OR51B5: variants seen among roughly 807,000 people sequenced by gnomAD.
OR51B5 encodes olfactory receptor 51B5.
For synonymous variants in OR51B5, 186 were observed against 144.8 expected, an observed-to-expected ratio of 1.28 and a Z score of -2.04; for missense variants, 456 against 374.6, an observed-to-expected ratio of 1.22 and a Z score of -1.79.
chr11:5,494,388 T>A (rs772476186), intron 1 of OR51B5, among the ~76,000 whole-genome samples: 2 of 152,136 alleles, frequency 1.3e-5, no homozygotes, highest in Non-Finnish European at 2.9e-5. Flanking sequence ...TGACGGCCTT[T>A]CCCAGTCCAC....
intron 1 of OR51B5, among the ~76,000 whole-genome samples, chr11:5,419,702 C>T (rs966150263): frequency 6.6e-5 from 10 of 152,018 alleles, no homozygotes; most frequent in African/African-American, 2.2e-4. Context: ...CATCGAGAAA[C>T]GATGATACTT....
intron 1 of OR51B5, among the ~76,000 whole-genome samples, chr11:5,373,185 G>A (rs1178411072): frequency 6.6e-6 from 1 of 152,026 alleles, no homozygotes; most frequent in African/African-American, 2.4e-5. Context: ...AGACATAAAT[G>A]TAAGACCTGA....
intron 1 of OR51B5, among the ~76,000 whole-genome samples, chr11:5,501,760 TTAA>T (rs1185893305): frequency 6.7e-6 from 1 of 148,606 alleles, no homozygotes; most frequent in East Asian, 1.9e-4. Context: ...TCTTTGCTTA[TTAA>T]TTTCTCCCTG....
chr11:5,360,135 T>G (rs1044066900), intron 1 of OR51B5, among the ~76,000 whole-genome samples: 3 of 151,518 alleles, frequency 2.0e-5, no homozygotes, highest in Non-Finnish European at 4.4e-5. Context: ...AAAGCCAAAA[T>G]GGACAAATGG....
At chr11:5,452,973 G>A (rs1453286207) in intron 1 of OR51B5, among the ~76,000 whole-genome samples, 1 of 152,088 alleles carries the variant, frequency 6.6e-6, no homozygotes, top group African/African-American at 2.4e-5. Flanking sequence ...CTCCATCCAA[G>A]CACACAACAT....
chr11:5,465,649 C>T (rs575878781), intron 1 of OR51B5, among the ~76,000 whole-genome samples: 31 of 140,580 alleles, frequency 2.2e-4, no homozygotes, highest in Non-Finnish European at 2.9e-4. Context: ...TCAGAAATAA[C>T]GACGCATATC....
chr11:5,362,261 G>T (rs1311698958), intron 1 of OR51B5, among the ~76,000 whole-genome samples: 1 of 152,204 alleles, frequency 6.6e-6, no homozygotes, highest in Non-Finnish European at 1.5e-5. Flanking sequence ...ATAAGGAAAA[G>T]TGTTTACTAT....
intron 1 of OR51B5, among the ~76,000 whole-genome samples, chr11:5,478,966 A>G (rs1046198359): frequency 1.1e-4 from 16 of 151,962 alleles, no homozygotes; most frequent in African/African-American, 2.7e-4. Flanking sequence ...AACTTCCCCA[A>G]TCTAGCAAGG....
chr11:5,457,561 C>G (rs1281520805), intron 1 of OR51B5, among the ~76,000 whole-genome samples: 1 of 152,182 alleles, frequency 6.6e-6, no homozygotes, highest in Non-Finnish European at 1.5e-5. Flanking sequence ...TCCACAGTGG[C>G]TGAACTAATT....
rs542641960 is a variant in OR51B5 at position 5,412,659 on chromosome 11, G to A, written n.85-65749C>T. Among the ~76,000 whole-genome samples the A allele has an allele frequency of 8.3e-4, 127 of 152,306 alleles. 1 individual carries two copies. Among genetic ancestry groups the A allele is most frequent in the African/African-American group, 2.8e-3 (118 of 41,578 alleles). On this transcript the variant is annotated intron_variant and non_coding_transcript_variant, in intron 1 of 4. Transcript: ENST00000415970. ...ATTATATCCTGCACATGGCTCAGAG[G>A]GTCCTACGCCGACGGAGTCTCGCTG...
upstream of OR51B5, among the ~76,000 whole-genome samples, chr11:5,343,987 A>AGACTTACCTGAATTATCAGCTAAAGTCTC: frequency 6.6e-6 from 1 of 152,330 alleles, no homozygotes; most frequent in Admixed American, 6.5e-5. Flanking sequence ...CTGCATGTAA[A>AGACTTACCTGAATTATCAGCTAAAGTCTC]GACTTACCTG....
At chr11:5,375,646 G>A (rs1849514867) in intron 1 of OR51B5, among the ~76,000 whole-genome samples, 1 of 152,072 alleles carries the variant, frequency 6.6e-6, no homozygotes. Flanking sequence ...ACAAAAAAAG[G>A]CAGGGGTTGC....
chr11:5,428,960 G>A (rs1473465433), intron 1 of OR51B5, among the ~76,000 whole-genome samples: 2 of 152,158 alleles, frequency 1.3e-5, no homozygotes, highest in Non-Finnish European at 2.9e-5. Context: ...GAGGTCACAA[G>A]ATTTGTGACT....
At chr11:5,484,331 C>T (rs1851469883) in intron 1 of OR51B5, among the ~76,000 whole-genome samples, 1 of 152,148 alleles carries the variant, frequency 6.6e-6, no homozygotes, top group Non-Finnish European at 1.5e-5. Flanking sequence ...ATAAATGGGA[C>T]CTGCTCCTGC....
intron 1 of OR51B5, chr11:5,449,486 G>A (rs956471): frequency 0.42 from 64,173 of 152,286 alleles, 15,451 homozygotes; most frequent in Non-Finnish European, 0.55. Context: ...GAGGGTATCT[G>A]ATAGAAGCAT....
chr11:5,456,114 C>T (rs2471987), intron 1 of OR51B5: 44,468 of 151,880 alleles, frequency 0.29, 6,657 homozygotes, highest in East Asian at 0.43. Context: ...TTAGGGAAGC[C>T]GCCAAATGAA....
intron 1 of OR51B5, among the ~76,000 whole-genome samples, chr11:5,376,280 A>G (rs1009480227): frequency 1.4e-4 from 21 of 152,304 alleles, no homozygotes; most frequent in African/African-American, 4.8e-4. Context: ...CAAAGACACA[A>G]CATACCAGAA....
intron 1 of OR51B5, among the ~76,000 whole-genome samples, chr11:5,456,695 A>G (rs983569297): frequency 2.6e-5 from 4 of 152,142 alleles, no homozygotes; most frequent in Non-Finnish European, 5.9e-5. Context: ...TTGGTGGACA[A>G]ATTATTTCAT....
chr11:5,434,601 C>T (rs995476746), intron 1 of OR51B5, among the ~76,000 whole-genome samples: 5 of 152,132 alleles, frequency 3.3e-5, no homozygotes, highest in Admixed American at 6.6e-5. Context: ...GCATCATCTT[C>T]AGCAGGAAGT....
Sources: allele counts gnomAD v4.1 joint callset (sites outside exome capture counted in the v4.1 genomes callset), GRCh38; gene constraint gnomAD v4.1.1; transcripts MANE v1.5; gene names NCBI Gene and HGNC (gene_info 2026-07-23, HGNC 2026-07-21).